ZFTA: variants seen among roughly 807,000 people sequenced by gnomAD.
ZFTA encodes zinc finger translocation-associated protein.
ZFTA carries 35 observed loss-of-function variants against 41.8 expected under a neutral mutation model. That is an observed-to-expected ratio of 0.84 (90% CI 0.64 to 1.11). ZFTA has a LOEUF of 1.11. Among genes scored for constraint, ZFTA ranks in the 50% most tolerant of loss-of-function variants. The pLI, the probability that ZFTA is intolerant of heterozygous loss-of-function variation, is 0.00. For synonymous variants in ZFTA, 514 were observed against 436.4 expected (o/e 1.18, Z -2.22); for missense variants, 964 against 989.8 (o/e 0.97, Z 0.35).
At chr11:63,763,903 C>T (rs1565058231) in intron 4 of ZFTA, 34 bp from the exon 5 acceptor site, 11 of 1,405,240 alleles carry the variant, frequency 7.8e-6, no homozygotes, top group Non-Finnish European at 9.3e-7. Flanking sequence ...TTGGCGACGG[C>T]GGGGGGCAGC....
In ZFTA at chr11:63,768,568, C is replaced by T; in HGVS notation, c.55G>A (p.Gly19Arg). The T allele has an allele frequency of 9.3e-7, 1 of 1,072,508 alleles. No individual in the cohort carries two copies. Among genetic ancestry groups the T allele is most frequent in the East Asian group, 6.6e-5 (1 of 15,140 alleles). 66.4% of individuals were successfully genotyped at this position (1,072,508 alleles called of 1,614,324 possible). ...SRSSGGRGGP[G>R]PAVASARGRR... The stretch of plus-strand genomic sequence containing the variant: ...CCCCGTGCCGAGGCCACTGCTGGCC[C>T]GGGGCCGCCCCTGCCGCCGCTGCTC... Residue 19 changes from glycine to arginine, a missense_variant, in exon 1 of 5, where the codon GGG becomes AGG. Physicochemically the swap from Gly to Arg is moderately radical, Grantham distance 125 (BLOSUM62 -2). This residue lies in a region of ZFTA where 111 missense variants were observed against 93.2 expected (regional missense o/e 1.19). Coordinates refer to ENST00000433688, the MANE Select transcript of ZFTA (RefSeq NM_001144936.2).
Position 63,764,202 on chromosome 11 carries a change from G to A in ZFTA, c.1421C>T (p.Ala474Val). The change falls in exon 4 of 5, where the codon GCC becomes GTC. Residue 474 changes from alanine to valine, a missense_variant. Physicochemically the swap from Ala to Val is moderately conservative, Grantham distance 64 (BLOSUM62 0). Transcript: ENST00000433688. ...GSTRLGGPVQ[A>V]LIAREWSEKA... ...CTCGCTCCACTCCCGGGCGATGAGG[G>A]CCTGGACAGGCCCGCCGAGGCGCGT... is the stretch of plus-strand genomic sequence containing the variant. 2 of 1,411,096 alleles carry A rather than the reference G, an allele frequency of 1.4e-6. No homozygotes were observed. The highest frequency in any genetic ancestry group is 1.8e-6 in the Non-Finnish European group (2 of 1,094,488). 87.4% of individuals were successfully genotyped at this position (1,411,096 alleles called of 1,614,324 possible).
rs2014684534 is a variant in ZFTA at position 63,763,462 on chromosome 11, C to T, written c.1993G>A (p.Asp665Asn). The change falls in exon 5 of 5, where the codon GAC becomes AAC. Residue 665 changes from aspartate (D) to asparagine (N), a missense_variant. Physicochemically the swap from Asp to Asn is conservative, Grantham distance 23 (BLOSUM62 1). Transcript: ENST00000433688. ...GFGPPAPAPRDGGADLKSGAV... is the reference protein window; with the variant it reads ...GFGPPAPAPRNGGADLKSGAV... ...CCAGACTTGAGGTCCGCGCCGCCGT[C>T]ACGCGGCGCCGGGGCGGGCGGCCCG... 1 of 1,463,658 alleles carries T rather than the reference C, an allele frequency of 6.8e-7. No homozygotes were observed. Among genetic ancestry groups the T allele is most frequent in the Non-Finnish European group, 9.0e-7 (1 of 1,107,798 alleles). 90.7% of individuals were successfully genotyped at this position (1,463,658 alleles called of 1,614,324 possible).
Position 63,765,914 on chromosome 11 carries a change from C to A in ZFTA, c.530G>T (p.Gly177Val). The A allele has an allele frequency of 6.4e-7, 1 of 1,551,396 alleles. No individual in the cohort carries two copies. Among genetic ancestry groups the A allele is most frequent in the African/African-American group, 1.4e-5 (1 of 73,198 alleles). The change falls in exon 2 of 5, where the codon GGA becomes GTA. Residue 177 changes from glycine to valine, a missense_variant. Gly to Val is a moderately radical substitution (Grantham distance 109). This residue lies in a region of ZFTA where 141 missense variants were observed against 216.7 expected (regional missense o/e 0.65). Transcript: ENST00000433688. The surrounding 1 kb of genome is among the most constrained non-coding windows in gnomAD (Gnocchi z 4.0). ...CTGGACCCCCAGGCCCTCGGCCTCT[C>A]CGCAGGCCCCCAGCCCCAGGTGTGC... Reference protein sequence around the residue: ...WDAHLGLGACGEAEGLGVQGA... With the variant: ...WDAHLGLGACVEAEGLGVQGA...
rs1180590999 is a variant in ZFTA, at chr11:63,760,240, T to A, written c.*3178A>T. 1 of 152,162 alleles carries A rather than the reference T, an allele frequency of 6.6e-6. No individual in the cohort carries two copies. Among genetic ancestry groups the A allele is most frequent in the African/African-American group, 2.4e-5 (1 of 41,430 alleles). The allele number at this position is 152,162 out of a possible 1,614,324, so 9.4% of individuals were successfully genotyped here. A position where few individuals can be genotyped will look rare whatever the true frequency, so the allele number is the denominator to read the frequency against. On this transcript the variant is annotated 3_prime_UTR_variant, in exon 5 of 5. Coordinates refer to ENST00000433688, the MANE Select transcript of ZFTA (RefSeq NM_001144936.2). Reference sequence around the variant, plus strand: ...AAATTACATATAGCCACAATACACTTAAATTGAGTCAATCACCGTGGAAAA... The same window carrying A: ...AAATTACATATAGCCACAATACACTAAAATTGAGTCAATCACCGTGGAAAA...
Position 63,768,721 on chromosome 11 carries a change from G to T in ZFTA, c.-99C>A, listed in dbSNP as rs1326597621. On this transcript the variant is annotated 5_prime_UTR_variant, in exon 1 of 5. Coordinates refer to ENST00000433688, the MANE Select transcript of ZFTA (RefSeq NM_001144936.2). ...CGCTCGCTGCGCGGGGCCCCGGGGC[G>T]CGGGGCGCATGCACGGGGCGGCCGG... is the stretch of plus-strand genomic sequence containing the variant. 1 of 480,470 alleles carries T rather than the reference G, an allele frequency of 2.1e-6. No individual in the cohort carries two copies. Among genetic ancestry groups the T allele is most frequent in the Non-Finnish European group, 2.7e-6 (1 of 371,920 alleles). The allele number at this position is 480,470 out of a possible 1,614,324, so 29.8% of individuals were successfully genotyped here.
rs1590906862 is a variant in ZFTA at position 63,760,393 on chromosome 11, C to A, written c.*3025G>T. 6.6e-6 allele frequency: 1 copy of A among 152,154 alleles called. No homozygotes were observed. The highest frequency in any genetic ancestry group is 2.4e-5 in the African/African-American group (1 of 41,438). 9.4% of individuals were successfully genotyped at this position (152,154 alleles called of 1,614,324 possible). On this transcript the variant is annotated 3_prime_UTR_variant, in exon 5 of 5. Transcript: ENST00000433688. ...TTTTAAAAATGTATTCAACATACCTCTTAGAAAACTTAGGCTGAAATATTT... is the reference window on the plus strand; with the variant it reads ...TTTTAAAAATGTATTCAACATACCTATTAGAAAACTTAGGCTGAAATATTT...
rs993971707 is a variant in ZFTA, at chr11:63,763,267, C to A, written c.*151G>T. ...ACGCCGGTGGCCCCACCCGATCCCC[C>A]GTCTCCGCCCGGCCCGGCCAGCGGG... is the stretch of plus-strand genomic sequence containing the variant. On this transcript the variant is annotated 3_prime_UTR_variant, in exon 5 of 5. Coordinates refer to ENST00000433688, the MANE Select transcript of ZFTA (RefSeq NM_001144936.2). 54 of 437,680 alleles carry A rather than the reference C, an allele frequency of 1.2e-4. No homozygotes were observed. Among genetic ancestry groups the A allele is most frequent in the Non-Finnish European group, 1.3e-4 (40 of 307,088 alleles). 27.1% of individuals were successfully genotyped at this position (437,680 alleles called of 1,614,324 possible). A position where few individuals can be genotyped will look rare whatever the true frequency, so the allele number is the denominator to read the frequency against.
rs1395209048 is a variant in ZFTA, at chr11:63,765,780, C to A, written c.637+27G>T. ...GCCCCACTGGCCACCCAGGCCCCTG[C>A]CTGTACAGAATCTGCATTTGCATTA... On this transcript the variant is annotated intron_variant, in intron 2 of 4. Transcript: ENST00000433688. The surrounding 1 kb of genome is among the most constrained non-coding windows in gnomAD (Gnocchi z 4.0). 1 of 1,448,330 alleles carries A rather than the reference C, an allele frequency of 6.9e-7. No homozygotes were observed. The highest frequency in any genetic ancestry group is 2.5e-5 in the East Asian group (1 of 39,846). The allele number at this position is 1,448,330 out of a possible 1,614,324, so 89.7% of individuals were successfully genotyped here. A position where few individuals can be genotyped will look rare whatever the true frequency, so the allele number is the denominator to read the frequency against.
rs2014721180 is a variant in ZFTA at position 63,764,997 on chromosome 11, C to T, written c.895G>A (p.Asp299Asn). 2 of 1,548,792 alleles carry T rather than the reference C, an allele frequency of 1.3e-6. No homozygotes were observed. The highest frequency in any genetic ancestry group is 1.7e-6 in the Non-Finnish European group (2 of 1,146,576). The stretch of plus-strand genomic sequence containing the variant: ...ACCTCCAGCACGTGGGCACGGATGT[C>T]GTCCAGGTGCAGGCTGGGCAGTGCC... ...GRALPSLHLD[D>N]IRAHVLEVHP... The change falls in exon 3 of 5, where the codon GAC (aspartate) becomes AAC (asparagine). Residue 299 changes from aspartate to asparagine, a missense_variant. Asp to Asn is a conservative substitution (Grantham distance 23). Around this residue, in one of 5 missense-constraint regions of ZFTA, gnomAD observed 584 missense variants for 523.1 expected, o/e 1.12. Transcript: ENST00000433688.
In ZFTA at chr11:63,763,637, C is replaced by T; in HGVS notation, c.1818G>A (p.Gly606=). Residue 606 remains glycine, a synonymous_variant, in exon 5 of 5, where the codon GGG becomes GGA. Coordinates refer to ENST00000433688, the MANE Select transcript of ZFTA (RefSeq NM_001144936.2). ...TCACCTTGAGCGTGGCCAGCGCGCC[C>T]CCGCACACCATACACACCAGGCCGC... ...SRRGLVCMVC[G]GALATLKVST... The T allele has an allele frequency of 1.3e-6, 2 of 1,548,222 alleles. No individual in the cohort carries two copies. Among genetic ancestry groups the T allele is most frequent in the Non-Finnish European group, 1.7e-6 (2 of 1,145,506 alleles).
Position 63,764,628 on chromosome 11 carries a change from T to C in ZFTA, c.1025-30A>G, listed in dbSNP as rs567604366. 14 of 1,263,450 alleles carry C rather than the reference T, an allele frequency of 1.1e-5. No homozygotes were observed. In the African/African-American group the frequency reaches 2.2e-4, roughly 20 times the overall value. The allele number at this position is 1,263,450 out of a possible 1,614,324, so 78.3% of individuals were successfully genotyped here. ...TGGGGAAGGGGTGAGGGAGAGGGGC[T>C]CAGCCTGCTGGCTGGGTTGCCCTTG... is the stretch of plus-strand genomic sequence containing the variant. On this transcript the variant is annotated intron_variant, in intron 3 of 4. Transcript: ENST00000433688.
rs1185086405 is a variant in ZFTA, at chr11:63,766,277, G to T, written c.167C>A (p.Ala56Asp). 5 of 1,466,198 alleles carry T rather than the reference G, an allele frequency of 3.4e-6. No individual in the cohort carries two copies. The South Asian group carries it at 5.6e-5, about 16-fold the overall frequency. 90.8% of individuals were successfully genotyped at this position (1,466,198 alleles called of 1,614,324 possible). A position where few individuals can be genotyped will look rare whatever the true frequency, so the allele number is the denominator to read the frequency against. The change falls in exon 2 of 5, where the codon GCC becomes GAC. Residue 56 changes from alanine to aspartate, a missense_variant. Ala to Asp is a moderately radical substitution (Grantham distance 126). Coordinates refer to ENST00000433688, the MANE Select transcript of ZFTA (RefSeq NM_001144936.2). ...GGGGGCACTCCCCCAGGACCCCAAG[G>T]CACCCCCTTCCAGCTGAAGATCTTG... ...GGQDLQLEGG[A>D]LGSWGSAPLP...
chr11:63,765,328 A>C lies in ZFTA; in HGVS notation c.638-74T>G. 7.2e-7 allele frequency: 1 copy of C among 1,386,226 alleles called. No individual in the cohort carries two copies. The highest frequency in any genetic ancestry group is 9.4e-7 in the Non-Finnish European group (1 of 1,068,702). 85.9% of individuals were successfully genotyped at this position (1,386,226 alleles called of 1,614,324 possible). A position where few individuals can be genotyped will look rare whatever the true frequency, so the allele number is the denominator to read the frequency against. Reference sequence around the variant, plus strand: ...TACCCACTACAGCCAGGTCTCCCACAAGCCTCTCACTCACTTGGGCCCCAG... The same window carrying C: ...TACCCACTACAGCCAGGTCTCCCACCAGCCTCTCACTCACTTGGGCCCCAG... On this transcript the variant is annotated intron_variant, in intron 2 of 4. Coordinates refer to ENST00000433688, the MANE Select transcript of ZFTA (RefSeq NM_001144936.2). This position sits in a 1 kb window ranked among gnomAD's most constrained non-coding sequence, Gnocchi z 4.0.
Position 63,765,842 on chromosome 11 carries a change from C to CCCTCCTCCTCCTCCTCTTCTT in ZFTA, c.581_601dup (p.Glu194_Glu200dup). ...GGGCGGGCAAGCTGGGACACCGGCCCCCTCCTCCTCCTCCTCTTCTTCCTC... is the reference window on the plus strand; with the variant it reads ...GGGCGGGCAAGCTGGGACACCGGCCCCCTCCTCCTCCTCCTCTTCTTCCTCCTCCTCCTCCTCTTCTTCCTC... On this transcript the variant is annotated inframe_insertion, in exon 2 of 5. Coordinates refer to ENST00000433688, the MANE Select transcript of ZFTA (RefSeq NM_001144936.2). This position sits in a 1 kb window ranked among gnomAD's most constrained non-coding sequence, Gnocchi z 4.0. 4 of 1,492,896 alleles carry CCCTCCTCCTCCTCCTCTTCTT rather than the reference C, an allele frequency of 2.7e-6. No individual in the cohort carries two copies. The highest frequency in any genetic ancestry group is 3.6e-6 in the Non-Finnish European group (4 of 1,120,600). The allele number at this position is 1,492,896 out of a possible 1,614,324, so 92.5% of individuals were successfully genotyped here. A position where few individuals can be genotyped will look rare whatever the true frequency, so the allele number is the denominator to read the frequency against.
Position 63,763,473 on chromosome 11 carries a change from G to T in ZFTA, c.1982C>A (p.Pro661Gln). 2 of 1,503,758 alleles carry T rather than the reference G, an allele frequency of 1.3e-6. No homozygotes were observed. Among genetic ancestry groups the T allele is most frequent in the Non-Finnish European group, 1.8e-6 (2 of 1,123,868 alleles). The allele number at this position is 1,503,758 out of a possible 1,614,324, so 93.2% of individuals were successfully genotyped here. The change falls in exon 5 of 5, where the codon CCG (proline) becomes CAG (glutamine). Residue 661 changes from proline to glutamine, a missense_variant. Around this residue, in one of 5 missense-constraint regions of ZFTA, gnomAD observed 65 missense variants for 58.9 expected, o/e 1.10. Transcript: ENST00000433688. ...GTCCGCGCCGCCGTCACGCGGCGCC[G>T]GGGCGGGCGGCCCGAAGCCCTCGTG... Reference protein sequence around the residue: ...YGHEGFGPPAPAPRDGGADLK... With the variant: ...YGHEGFGPPAQAPRDGGADLK...
At chr11:63,768,066 G>A (rs1166748914) in intron 1 of ZFTA, among the ~76,000 whole-genome samples, 3 of 152,118 alleles carry the variant, frequency 2.0e-5, no homozygotes, top group Non-Finnish European at 4.4e-5. Flanking sequence ...CAGCTCCGCT[G>A]GGGAAAAGCC....
Position 63,765,184 on chromosome 11 carries a change from A to G in ZFTA, c.708T>C (p.Arg236=). 1 of 1,525,732 alleles carries G rather than the reference A, an allele frequency of 6.6e-7. No homozygotes were observed. The highest frequency in any genetic ancestry group is 8.8e-7 in the Non-Finnish European group (1 of 1,138,456). 94.5% of individuals were successfully genotyped at this position (1,525,732 alleles called of 1,614,324 possible). A position where few individuals can be genotyped will look rare whatever the true frequency, so the allele number is the denominator to read the frequency against. ...RGGPVAPRAR[R]LRLSASRRAG... ...CCCTCCGGGAGGCTGAGAGGCGCAG[A>G]CGCCGAGCCCGGGGTGCCACTGGGC... is the stretch of plus-strand genomic sequence containing the variant. The change falls in exon 3 of 5, where the codon CGT becomes CGC. Residue 236 remains arginine (R), a synonymous_variant. Transcript: ENST00000433688. The surrounding 1 kb of genome is among the most constrained non-coding windows in gnomAD (Gnocchi z 4.0).
intron 3 of ZFTA, 28 bp downstream of exon 3, chr11:63,764,840 G>A (rs2014718195): frequency 6.9e-7 from 1 of 1,447,612 alleles, no homozygotes; most frequent in Non-Finnish European, 9.1e-7. Flanking sequence ...CAGTATGAGG[G>A]GGTCTCAGCC....
Sources: allele counts gnomAD v4.1 joint callset (sites outside exome capture counted in the v4.1 genomes callset), GRCh38; gene constraint gnomAD v4.1.1; regional missense constraint gnomAD v4.1.1; non-coding constraint Gnocchi (gnomAD v3.1); transcripts MANE v1.5; gene names NCBI Gene and HGNC (gene_info 2026-07-23, HGNC 2026-07-21).